Variants in TASP1 observed in about 807,000 individuals in gnomAD.
TASP1 encodes the protein taspase 1.
TASP1 carries 16 observed loss-of-function variants against 56.6 expected under a neutral mutation model. The ratio of observed to expected loss-of-function variants is 0.28; its 90% confidence interval spans 0.19 to 0.43. The LOEUF is 0.43. Ranked by LOEUF, TASP1 falls within the 20% of genes least tolerant of loss-of-function variation. The pLI is 1.00. For missense variants in TASP1, 393 were observed against 511.6 expected, an observed-to-expected ratio of 0.77 and a Z score of 2.24; for synonymous variants, 179 against 184.2, an observed-to-expected ratio of 0.97 and a Z score of 0.23.
At position 13,623,443 on chromosome 20, in the gene TASP1, T is replaced by C. The variant is rs1461780244; in HGVS notation, c.282+3A>G. The C allele has an allele frequency of 6.3e-7, 1 of 1,598,170 alleles. No individual in the cohort carries two copies. The highest frequency in any genetic ancestry group is 8.6e-7 in the Non-Finnish European group (1 of 1,168,672). On this transcript the variant is annotated splice_donor_region_variant and intron_variant, in intron 4 of 13. Coordinates refer to ENST00000337743, the MANE Select transcript of TASP1 (RefSeq NM_017714.3). ...TTTTAAATAAAACAGAGAAAAGAAATACCTCAAGTTCCACCAGTGCTGCAG... is the reference window on the plus strand; with the variant it reads ...TTTTAAATAAAACAGAGAAAAGAAACACCTCAAGTTCCACCAGTGCTGCAG...
chr20:13,293,867 T>C, the TASP1 span, among the ~76,000 whole-genome samples: 3 of 151,350 alleles, frequency 2.0e-5, no homozygotes, highest in Non-Finnish European at 2.9e-5. Flanking sequence ...CCAGCTACTC[T>C]GGAGGCTGAG....
At chr20:13,624,499 G>A (rs184758532) in intron 3 of TASP1, among the ~76,000 whole-genome samples, 11 of 152,104 alleles carry the variant, frequency 7.2e-5, no homozygotes, top group African/African-American at 2.6e-4. Flanking sequence ...TTAATGTTAC[G>A]TAAATATCAA....
chr20:13,606,136 CGT>C (rs33951824), intron 4 of TASP1, among the ~76,000 whole-genome samples: 90,719 of 150,302 alleles, frequency 0.6, 29,301 homozygotes, highest in African/African-American at 0.85. Flanking sequence ...TGTGTGCGTG[CGT>C]GTGTGTGTGT....
At chr20:13,309,300 C>G in the TASP1 span, among the ~76,000 whole-genome samples, 6 of 151,132 alleles carry the variant, frequency 4.0e-5, no homozygotes, top group African/African-American at 1.5e-4. Context: ...AAAAAAAAGC[C>G]TAACAGAATA....
the TASP1 span, among the ~76,000 whole-genome samples, chr20:13,343,968 G>A: frequency 2.6e-5 from 4 of 151,970 alleles, no homozygotes; most frequent in Non-Finnish European, 4.4e-5. Flanking sequence ...GGGCTTCTGC[G>A]CACTTCCTGT....
intron 6 of TASP1, among the ~76,000 whole-genome samples, chr20:13,576,153 G>A (rs781588810): frequency 2.1e-5 from 3 of 142,656 alleles, no homozygotes; most frequent in Non-Finnish European, 4.5e-5. Context: ...AGCGAGCCGA[G>A]ATCATGCCAT....
At chr20:13,424,656 T>C (rs189932573) in intron 12 of TASP1, among the ~76,000 whole-genome samples, 5 of 152,182 alleles carry the variant, frequency 3.3e-5, no homozygotes, top group African/African-American at 1.2e-4. Flanking sequence ...TAGAGAAGCT[T>C]CTAGCCTTTC....
chr20:13,158,099 G>A, the TASP1 span, among the ~76,000 whole-genome samples: 1 of 152,084 alleles, frequency 6.6e-6, no homozygotes, highest in African/African-American at 2.4e-5. Context: ...CTTGGTAAAG[G>A]GTTTGCATTT....
chr20:13,506,460 A>G (rs112066661), intron 10 of TASP1, among the ~76,000 whole-genome samples: 12 of 152,324 alleles, frequency 7.9e-5, no homozygotes, highest in African/African-American at 2.9e-4. Flanking sequence ...TTACTGTCCA[A>G]TATCCTTGAT....
the TASP1 span, among the ~76,000 whole-genome samples, chr20:13,235,103 A>C: frequency 3.9e-5 from 6 of 152,194 alleles, no homozygotes; most frequent in Non-Finnish European, 8.8e-5. Context: ...AACGGTCTGC[A>C]ATTATAAGCA....
At chr20:13,563,579 T>C (rs1467921760) in intron 7 of TASP1, among the ~76,000 whole-genome samples, 1 of 151,970 alleles carries the variant, frequency 6.6e-6, no homozygotes, top group Non-Finnish European at 1.5e-5. Context: ...AAAGTGCAAT[T>C]TATTCCTAAG....
the TASP1 span, among the ~76,000 whole-genome samples, chr20:13,289,678 A>T: frequency 6.6e-6 from 1 of 151,610 alleles, no homozygotes. Flanking sequence ...GAGGAGGGGG[A>T]GGAGGAGGAA....
the TASP1 span, among the ~76,000 whole-genome samples, chr20:13,220,441 C>T: frequency 1.3e-5 from 2 of 152,202 alleles, no homozygotes; most frequent in Non-Finnish European, 2.9e-5. Context: ...GGCGGTGGCC[C>T]GGGATCGACA....
chr20:13,403,591 G>A lies in TASP1; in HGVS notation c.1171-13139C>T, dbSNP rs536922525. ...AAGGATCAAAGTTGTAACTTGCCCC[G>A]GCTTATAAAGCAGGGACTCCAGGAT... On this transcript the variant is annotated intron_variant, in intron 13 of 13. Transcript: ENST00000337743. Among the ~76,000 whole-genome samples, 41 of 152,240 alleles carry A rather than the reference G, an allele frequency of 2.7e-4. No homozygotes were observed. The South Asian group carries it at 8.3e-3, about 31-fold the overall frequency.
chr20:13,235,610 A>G, the TASP1 span, among the ~76,000 whole-genome samples: 40,686 of 152,014 alleles, frequency 0.27, 5,695 homozygotes, highest in African/African-American at 0.36. Flanking sequence ...ATGTCATCCT[A>G]TGGGTTGCTC....
chr20:13,336,882 G>A, the TASP1 span, among the ~76,000 whole-genome samples: 1 of 152,104 alleles, frequency 6.6e-6, no homozygotes, highest in Admixed American at 6.5e-5. Flanking sequence ...CCAGTTGGGG[G>A]ATTCCCAGTT....
At chr20:13,385,740 C>T (rs970000011), downstream of TASP1, among the ~76,000 whole-genome samples, 2 of 152,212 alleles carry the variant, frequency 1.3e-5, no homozygotes, top group Admixed American at 6.5e-5. Context: ...ACTAAGTCAA[C>T]TACCAGAGGG....
chr20:13,173,549 T>C, the TASP1 span, among the ~76,000 whole-genome samples: 1 of 152,146 alleles, frequency 6.6e-6, no homozygotes. Flanking sequence ...TTGAAATGGA[T>C]GGGCTAGGCT....
chr20:13,224,592 T>C, the TASP1 span, among the ~76,000 whole-genome samples: 1 of 152,198 alleles, frequency 6.6e-6, no homozygotes, highest in Admixed American at 6.5e-5. Context: ...TTTTTATTGT[T>C]TTTATCTCTG....
Sources: allele counts gnomAD v4.1 joint callset (sites outside exome capture counted in the v4.1 genomes callset), GRCh38; gene constraint gnomAD v4.1.1; transcripts MANE v1.5; gene names NCBI Gene and HGNC (gene_info 2026-07-23, HGNC 2026-07-21).